The following NTN1 variants were observed in gnomAD, a reference collection of about 807,000 sequenced individuals.
The protein encoded by NTN1 is netrin 1.
In NTN1, 11 loss-of-function variants were observed where a neutral mutation model predicts 54.2. That is an observed-to-expected ratio of 0.20 (90% CI 0.13 to 0.34). The LOEUF is 0.34. Ranked by LOEUF, NTN1 falls within the 10% of genes least tolerant of loss-of-function variation. NTN1 has a pLI of 1.00. For synonymous variants in NTN1, 371 were observed against 382.0 expected (o/e 0.97, Z 0.33); for missense variants, 740 against 893.1 (o/e 0.83, Z 2.18).
At chr17:9,114,160 A>ATATATATATAT (rs1310655092) in intron 2 of NTN1, among the ~76,000 whole-genome samples, 78 of 94,356 alleles carry the variant, frequency 8.3e-4, no homozygotes, top group African/African-American at 1.9e-3. Context: ...AAAGAAAAAA[A>ATATATATATAT]AAAAAAATAT....
chr17:9,053,173 A>G (rs2091966524), intron 2 of NTN1, among the ~76,000 whole-genome samples: 1 of 152,220 alleles, frequency 6.6e-6, no homozygotes. Context: ...CGCTTTCCAT[A>G]CAACAGCAGG....
chr17:9,077,493 A>T (rs1249008749), intron 2 of NTN1, among the ~76,000 whole-genome samples: 1 of 152,234 alleles, frequency 6.6e-6, no homozygotes, highest in Non-Finnish European at 1.5e-5. Context: ...TCTGAGCCTC[A>T]GTATCCTCAC....
intron 2 of NTN1, 32 bp downstream of exon 2, chr17:9,023,423 G>A: frequency 1.3e-5 from 18 of 1,345,188 alleles, no homozygotes; most frequent in Non-Finnish European, 1.7e-5. Context: ...AGCCGGCGGC[G>A]GGTGGGGCCG....
At chr17:9,167,033 A>C (rs1238180362) in intron 3 of NTN1, among the ~76,000 whole-genome samples, 2 of 152,196 alleles carry the variant, frequency 1.3e-5, no homozygotes, top group Non-Finnish European at 2.9e-5. Context: ...CTGGTTTAGA[A>C]GCAAACCAGA....
the NTN1 span, among the ~76,000 whole-genome samples, chr17:9,010,295 G>A: frequency 6.6e-6 from 1 of 152,210 alleles, no homozygotes; most frequent in African/African-American, 2.4e-5. Context: ...ATGCCCAGGA[G>A]GCTATTCACT....
intron 2 of NTN1, among the ~76,000 whole-genome samples, chr17:9,125,917 C>T (rs1237595868): frequency 2.0e-5 from 3 of 152,204 alleles, no homozygotes; most frequent in African/African-American, 7.2e-5. Context: ...TTAATCTTCG[C>T]AGTCTTTACA....
rs1305181635 is a variant in NTN1, at chr17:9,241,427, A to C, written c.*1459A>C. 6.5e-6 allele frequency: 1 copy of C among 153,008 alleles called. No individual in the cohort carries two copies. The highest frequency in any genetic ancestry group is 1.5e-5 in the Non-Finnish European group (1 of 68,608). The allele number at this position is 153,008 out of a possible 1,614,324, so 9.5% of individuals were successfully genotyped here. ...GTTCTGACCTCCTCACACAGGGTCC[A>C]TTCCTGTGCCCTGGGGCCTCCTGGC... On this transcript the variant is annotated 3_prime_UTR_variant, in exon 7 of 7. Coordinates refer to ENST00000173229, the MANE Select transcript of NTN1 (RefSeq NM_004822.3).
chr17:9,200,408 G>A (rs1476122480), intron 5 of NTN1, among the ~76,000 whole-genome samples: 3 of 152,218 alleles, frequency 2.0e-5, no homozygotes, highest in African/African-American at 4.8e-5. Flanking sequence ...TCTGCCCGCC[G>A]AGTGGGAGAT....
intron 6 of NTN1, among the ~76,000 whole-genome samples, chr17:9,232,892 G>C (rs1336285875): frequency 1.3e-5 from 2 of 152,160 alleles, no homozygotes; most frequent in Non-Finnish European, 2.9e-5. Context: ...TGCATTTCAG[G>C]AAAGCAGCTG....
At chr17:9,230,257 G>A (rs1256067769) in intron 6 of NTN1, among the ~76,000 whole-genome samples, 1 of 152,172 alleles carries the variant, frequency 6.6e-6, no homozygotes, top group Non-Finnish European at 1.5e-5. Flanking sequence ...CAAGGTCAGG[G>A]CCCCTGCTGT....
the NTN1 span, among the ~76,000 whole-genome samples, chr17:9,009,089 G>A: frequency 6.6e-6 from 1 of 152,148 alleles, no homozygotes; most frequent in African/African-American, 2.4e-5. Flanking sequence ...GCTCTGTCTT[G>A]GGACTTTTGC....
At chr17:9,222,113 A>C (rs1374964170) in intron 6 of NTN1, among the ~76,000 whole-genome samples, 1 of 152,176 alleles carries the variant, frequency 6.6e-6, no homozygotes, top group East Asian at 1.9e-4. Flanking sequence ...AGGACTCCTG[A>C]ATCCAGGCCT....
At position 9,243,426 on chromosome 17, in the gene NTN1, A is replaced by C. The variant is rs1164797584; in HGVS notation, c.*3458A>C. On this transcript the variant is annotated 3_prime_UTR_variant, in exon 7 of 7. Coordinates refer to ENST00000173229, the MANE Select transcript of NTN1 (RefSeq NM_004822.3). ...TGAACTCAAGAAGAGACCCTAAGGGACTGGGGAATGGTTCCTGCCTTCAGG... is the reference window on the plus strand; with the variant it reads ...TGAACTCAAGAAGAGACCCTAAGGGCCTGGGGAATGGTTCCTGCCTTCAGG... 2.0e-5 allele frequency: 2 copies of C among 101,406 alleles called. No homozygotes were observed. The highest frequency in any genetic ancestry group is 5.6e-5 in the African/African-American group (2 of 35,806). The allele number at this position is 101,406 out of a possible 1,614,324, so 6.3% of individuals were successfully genotyped here. A position where few individuals can be genotyped will look rare whatever the true frequency, so the allele number is the denominator to read the frequency against.
rs542882835 is a variant in NTN1, at chr17:9,068,196, T to A, written c.1018+44805T>A. Among the ~76,000 whole-genome samples the A allele has an allele frequency of 2.6e-4, 40 of 152,298 alleles. 1 individual carries two copies. Among genetic ancestry groups the A allele is most frequent in the African/African-American group, 9.6e-4 (40 of 41,566 alleles). On this transcript the variant is annotated intron_variant, in intron 2 of 6. Transcript: ENST00000173229. Reference sequence around the variant, plus strand: ...CTGGAATCAGATTATGTTCTTTTTTTTCTGAGACAGAGTCTTGCTTTGTCA... The same window carrying A: ...CTGGAATCAGATTATGTTCTTTTTTATCTGAGACAGAGTCTTGCTTTGTCA...
At chr17:9,150,525 A>G (rs1396397272) in intron 2 of NTN1, among the ~76,000 whole-genome samples, 2 of 152,202 alleles carry the variant, frequency 1.3e-5, no homozygotes, top group Non-Finnish European at 1.5e-5. Context: ...TGGAACGTGG[A>G]CGGAGGATCT....
intron 2 of NTN1, among the ~76,000 whole-genome samples, chr17:9,044,298 G>A (rs1023273561): frequency 1.3e-5 from 2 of 151,472 alleles, no homozygotes; most frequent in African/African-American, 2.4e-5. Context: ...GCAATGGCGC[G>A]ATCTCGGCTC....
chr17:9,196,843 C>T (rs1904646822), intron 5 of NTN1, among the ~76,000 whole-genome samples: 1 of 152,148 alleles, frequency 6.6e-6, no homozygotes, highest in South Asian at 2.1e-4. Flanking sequence ...AAATTATTTG[C>T]ACAGAGAGGC....
intron 3 of NTN1, chr17:9,174,806 A>G (rs1291256841): frequency 6.6e-6 from 1 of 152,434 alleles, no homozygotes; most frequent in African/African-American, 2.4e-5. Flanking sequence ...AGTTTAGCCC[A>G]TAGCACAAGG....
chr17:9,237,490 T>C (rs1418369209), intron 6 of NTN1, among the ~76,000 whole-genome samples: 1 of 152,210 alleles, frequency 6.6e-6, no homozygotes, highest in African/African-American at 2.4e-5. Flanking sequence ...AGGAATTTGT[T>C]GGGACACCAT....
Sources: gnomAD v4.1 joint callset for allele counts (sites outside exome capture counted in the v4.1 genomes callset) on GRCh38, gnomAD v4.1.1 for gene constraint, MANE v1.5 for transcripts, NCBI Gene and HGNC (gene_info 2026-07-23, HGNC 2026-07-21) for gene names.